Variants in EXOC4 observed in about 807,000 individuals in gnomAD.
EXOC4 encodes exocyst complex component 4.
In EXOC4, 71 loss-of-function variants were observed where a neutral mutation model predicts 107.2. The ratio of observed to expected loss-of-function variants is 0.66; its 90% confidence interval spans 0.55 to 0.81. EXOC4 has a LOEUF of 0.81. EXOC4 is among the 30% of genes least tolerant of loss of function. EXOC4 has a pLI of 0.00. For missense variants in EXOC4, 1,108 were observed against 1,189.6 expected (o/e 0.93, Z 1.01); for synonymous variants, 456 against 441.2 (o/e 1.03, Z -0.42).
intron 5 of EXOC4, 100 bp from the exon 6 acceptor site, chr7:133,356,230 A>T (rs2150657513): frequency 2.5e-6 from 3 of 1,185,508 alleles, no homozygotes; most frequent in South Asian, 2.9e-5. Flanking sequence ...TTAATTCTTT[A>T]AGAGAGTAAT....
intron 17 of EXOC4, among the ~76,000 whole-genome samples, chr7:134,012,463 C>A (rs1049879053): frequency 6.6e-6 from 1 of 152,128 alleles, no homozygotes; most frequent in Non-Finnish European, 1.5e-5. Flanking sequence ...TTGATCTGAA[C>A]AATTCAAAGC....
intron 10 of EXOC4, among the ~76,000 whole-genome samples, chr7:133,816,984 G>T (rs191139500): frequency 6.6e-6 from 1 of 152,188 alleles, no homozygotes; most frequent in East Asian, 1.9e-4. Flanking sequence ...TGTACTCTTC[G>T]GGGATGTGCT....
rs144249406 is a variant in EXOC4 at position 133,427,193 on chromosome 7, G to A, written c.1183-48135G>A. ...CCTCATAAGCTAGGGGATGAGTGTG[G>A]GATTGAGTCTTTAGTTGGGATGAGG... On this transcript the variant is annotated intron_variant, in intron 7 of 17. Coordinates refer to ENST00000253861, the MANE Select transcript of EXOC4 (RefSeq NM_021807.4). Among the ~76,000 whole-genome samples, 463 of 152,202 alleles carry A rather than the reference G, an allele frequency of 3.0e-3. 3 individuals are homozygous for A. Among genetic ancestry groups the A allele is most frequent in the Non-Finnish European group, 4.7e-3 (323 of 68,002 alleles).
chr7:133,707,669 G>A (rs1794798107), intron 10 of EXOC4, among the ~76,000 whole-genome samples: 1 of 151,914 alleles, frequency 6.6e-6, no homozygotes. Context: ...AGGTTGGAGT[G>A]CAGTGATACA....
At chr7:133,655,792 T>C (rs1803277706) in intron 10 of EXOC4, among the ~76,000 whole-genome samples, 1 of 152,174 alleles carries the variant, frequency 6.6e-6, no homozygotes, top group South Asian at 2.1e-4. Context: ...ACTGTTAACT[T>C]TTTTGTTTAT....
At chr7:133,438,898 C>T (rs1422653438) in intron 7 of EXOC4, among the ~76,000 whole-genome samples, 1 of 152,152 alleles carries the variant, frequency 6.6e-6, no homozygotes, top group Non-Finnish European at 1.5e-5. Flanking sequence ...TTACAGATGA[C>T]AGTAGGTCAG....
At chr7:134,086,789 C>T in the EXOC4 span, among the ~76,000 whole-genome samples, 1 of 152,176 alleles carries the variant, frequency 6.6e-6, no homozygotes, top group Non-Finnish European at 1.5e-5. Flanking sequence ...ATAGACAGAG[C>T]AGCCACAGGG....
chr7:133,772,540 A>C (rs889241292), intron 10 of EXOC4, among the ~76,000 whole-genome samples: 8 of 132,502 alleles, frequency 6.0e-5, no homozygotes, highest in African/African-American at 1.4e-4. Context: ...AAAAAAAAAA[A>C]CCTTAAATTT....
chr7:133,271,075 C>G (rs767064285), intron 1 of EXOC4, among the ~76,000 whole-genome samples: 1 of 152,054 alleles, frequency 6.6e-6, no homozygotes, highest in Non-Finnish European at 1.5e-5. Context: ...CGGGCCATTG[C>G]GCCTGGCTAA....
intron 7 of EXOC4, among the ~76,000 whole-genome samples, chr7:133,397,426 G>A (rs1387537518): frequency 6.6e-6 from 1 of 151,808 alleles, no homozygotes; most frequent in Non-Finnish European, 1.5e-5. Context: ...GAGCCACTGC[G>A]CCCGGCTCAT....
At chr7:133,510,761 G>A (rs1209114586) in intron 9 of EXOC4, among the ~76,000 whole-genome samples, 1 of 152,172 alleles carries the variant, frequency 6.6e-6, no homozygotes, top group African/African-American at 2.4e-5. Context: ...TAACTACTTA[G>A]TATTGTCTTG....
intron 1 of EXOC4, among the ~76,000 whole-genome samples, chr7:133,267,829 C>T (rs1005380586): frequency 3.3e-5 from 5 of 152,216 alleles, no homozygotes; most frequent in Non-Finnish European, 7.3e-5. Context: ...AGGCTGGGAA[C>T]TGTCCTCCAT....
intron 9 of EXOC4, among the ~76,000 whole-genome samples, chr7:133,573,061 A>G (rs1801057251): frequency 6.6e-6 from 1 of 152,226 alleles, no homozygotes; most frequent in African/African-American, 2.4e-5. Context: ...ATTTGAAACT[A>G]TACCAGTTCT....
intron 9 of EXOC4, among the ~76,000 whole-genome samples, chr7:133,513,029 T>TG (rs1313300360): frequency 6.6e-6 from 1 of 151,814 alleles, no homozygotes; most frequent in Non-Finnish European, 1.5e-5. Flanking sequence ...CACTTGAACC[T>TG]GGGAAATGGA....
chr7:133,450,925 C>G (rs550789945), intron 7 of EXOC4, among the ~76,000 whole-genome samples: 1 of 152,286 alleles, frequency 6.6e-6, no homozygotes, highest in African/African-American at 2.4e-5. Context: ...GGATGCAGGA[C>G]AAGAAGTGTT....
intron 11 of EXOC4, among the ~76,000 whole-genome samples, chr7:133,845,023 C>T (rs1585193176): frequency 1.3e-5 from 2 of 152,166 alleles, no homozygotes; most frequent in East Asian, 3.8e-4. Context: ...TGTATCTTAA[C>T]ATTGAAATTT....
intron 7 of EXOC4, among the ~76,000 whole-genome samples, chr7:133,411,643 C>T (rs1797358294): frequency 1.3e-5 from 2 of 152,066 alleles, no homozygotes; most frequent in South Asian, 2.1e-4. Context: ...CTTTTCAGGA[C>T]TTAGCATCAG....
chr7:133,422,926 T>G (rs1797637728), intron 7 of EXOC4, among the ~76,000 whole-genome samples: 1 of 126,102 alleles, frequency 7.9e-6, no homozygotes, highest in African/African-American at 3.1e-5. Flanking sequence ...AGTAATAGAA[T>G]TAATGGAGCA....
intron 9 of EXOC4, among the ~76,000 whole-genome samples, chr7:133,536,566 G>C (rs567805044): frequency 6.6e-6 from 1 of 151,110 alleles, no homozygotes; most frequent in African/African-American, 2.4e-5. Context: ...TTTCTTTCTT[G>C]TCAGTCCATT....
Sources: allele counts gnomAD v4.1 joint callset (sites outside exome capture counted in the v4.1 genomes callset), GRCh38; gene constraint gnomAD v4.1.1; transcripts MANE v1.5; gene names NCBI Gene and HGNC (gene_info 2026-07-23, HGNC 2026-07-21).